Variants in UBE2J2 observed in about 807,000 individuals in gnomAD.
The protein encoded by UBE2J2 is ubiquitin conjugating enzyme E2 J2, also known as ubiquitin-conjugating enzyme E2 J2.
In UBE2J2, 5 loss-of-function variants were observed where a neutral mutation model predicts 28.6. That is an observed-to-expected ratio of 0.17 (90% CI 0.09 to 0.37). UBE2J2 has a LOEUF of 0.37. Ranked by LOEUF, UBE2J2 falls within the 10% of genes least tolerant of loss-of-function variation. UBE2J2 has a pLI of 1.00. For missense variants in UBE2J2, 226 were observed against 338.9 expected (o/e 0.67, Z 2.62); for synonymous variants, 138 against 139.7 (o/e 0.99, Z 0.09).
At chr1:1,258,936 A>AGGACC (rs1639374369) in intron 3 of UBE2J2, among the ~76,000 whole-genome samples, 1 of 152,228 alleles carries the variant, frequency 6.6e-6, no homozygotes, top group African/African-American at 2.4e-5. Context: ...CCCCAACCAG[A>AGGACC]GGACCACAAG....
chr1:1,259,948 G>A (rs1038732697), intron 3 of UBE2J2, among the ~76,000 whole-genome samples: 4 of 152,194 alleles, frequency 2.6e-5, no homozygotes, highest in Admixed American at 6.5e-5. Flanking sequence ...CCTCCCGCAC[G>A]TGTTTCCCTC....
chr1:1,260,478 G>A (rs1441801135), intron 3 of UBE2J2, among the ~76,000 whole-genome samples: 1 of 151,988 alleles, frequency 6.6e-6, no homozygotes, highest in Non-Finnish European at 1.5e-5. Flanking sequence ...GCGCCCTGCT[G>A]CCTCACTGCG....
At position 1,256,071 on chromosome 1, in the gene UBE2J2, A is replaced by C. The variant is rs2101027418; in HGVS notation, c.469T>G (p.Cys157Gly). ...TCCACGACTTCAGGAAATAATTCAC[A>C]AAAGACTTTATCTTTCAAATTAAAT... is the stretch of plus-strand genomic sequence containing the variant. Reference protein sequence around the residue: ...LAFNLKDKVFCELFPEVVEEI... With the variant: ...LAFNLKDKVFGELFPEVVEEI... Residue 157 changes from cysteine to glycine, a missense_variant, in exon 6 of 7, where the codon TGT becomes GGT. Cys to Gly is a radical substitution (Grantham distance 159). Around this residue, in one of 3 missense-constraint regions of UBE2J2, gnomAD observed 133 missense variants for 161.5 expected, o/e 0.82. Coordinates refer to ENST00000349431, the MANE Select transcript of UBE2J2 (RefSeq NM_058167.3). 2 of 1,613,648 alleles carry C rather than the reference A, an allele frequency of 1.2e-6. No homozygotes were observed. Among genetic ancestry groups the C allele is most frequent in the South Asian group, 1.1e-5 (1 of 91,038 alleles).
chr1:1,263,831 T>TA (rs78118405), intron 2 of UBE2J2, among the ~76,000 whole-genome samples: 28,401 of 147,076 alleles, frequency 0.19, 4,738 homozygotes, highest in East Asian at 0.73. Flanking sequence ...CACCTTTATT[T>TA]AAAAAAAAAA....
chr1:1,256,380 G>A, intron 5 of UBE2J2: 1 of 415,486 alleles, frequency 2.4e-6, no homozygotes. Context: ...GCTCCCCGCT[G>A]ACAAGGCCCG....
rs1184397252 is a variant in UBE2J2, at chr1:1,256,725, CA to C, written c.414+266del. Among the ~76,000 whole-genome samples, 1,175 of 144,512 alleles carry C rather than the reference CA, an allele frequency of 8.1e-3. 11 individuals carry two copies. The highest frequency in any genetic ancestry group is 0.027 in the African/African-American group (1,065 of 39,634). 94.8% of individuals were successfully genotyped at this position (144,512 alleles called of 152,430 possible). A position where few individuals can be genotyped will look rare whatever the true frequency, so the allele number is the denominator to read the frequency against. On this transcript the variant is annotated intron_variant, in intron 5 of 6. Transcript: ENST00000349431. ...TGAAACCCCGTCTCTACTAAAAATA[CA>C]AAAAAAAAAATTAGCCGGGCGTGGT...
rs949299150 is a variant in UBE2J2 at position 1,263,472 on chromosome 1, C to T, written c.132-86G>A. ...CATTCCAAGCCTGGGGTTTATAGAA[C>T]CCAGCCAAAATTACATTCACATTCA... On this transcript the variant is annotated intron_variant, in intron 2 of 6. Coordinates refer to ENST00000349431, the MANE Select transcript of UBE2J2 (RefSeq NM_058167.3). 5 of 1,222,190 alleles carry T rather than the reference C, an allele frequency of 4.1e-6. No individual in the cohort carries two copies. The East Asian group carries it at 9.4e-5, about 23-fold the overall frequency. 75.7% of individuals were successfully genotyped at this position (1,222,190 alleles called of 1,614,324 possible). A position where few individuals can be genotyped will look rare whatever the true frequency, so the allele number is the denominator to read the frequency against.
chr1:1,266,628 T>A (rs547539158), intron 2 of UBE2J2, among the ~76,000 whole-genome samples: 1 of 151,916 alleles, frequency 6.6e-6, no homozygotes, highest in African/African-American at 2.4e-5. Flanking sequence ...AAGACCATCC[T>A]GGCTAACACG....
chr1:1,266,576 T>C (rs777464166), intron 2 of UBE2J2, among the ~76,000 whole-genome samples: 18 of 151,738 alleles, frequency 1.2e-4, no homozygotes, highest in South Asian at 4.2e-4. Flanking sequence ...AATCCCAGCA[T>C]TCTGGGAGGC....
chr1:1,255,545 G>C, intron 6 of UBE2J2, 58 bp from the exon 7 acceptor site: 1 of 1,553,966 alleles, frequency 6.4e-7, no homozygotes, highest in Admixed American at 1.8e-5. Flanking sequence ...TTCAGGACCA[G>C]CACTCCCGTT....
At chr1:1,257,165 C>A in intron 4 of UBE2J2, 35 bp from the exon 5 acceptor site, 1 of 1,604,118 alleles carries the variant, frequency 6.2e-7, no homozygotes, top group Non-Finnish European at 8.5e-7. Context: ...GCACACTCCC[C>A]ACCGCAGCCA....
intron 5 of UBE2J2, among the ~76,000 whole-genome samples, chr1:1,256,787 G>A (rs535452450): frequency 1.1e-4 from 16 of 151,142 alleles, no homozygotes; most frequent in Admixed American, 7.9e-4. Flanking sequence ...TTGGGAGGCT[G>A]AGACAGGAGA....
intron 2 of UBE2J2, among the ~76,000 whole-genome samples, chr1:1,265,402 G>A (rs963148619): frequency 7.2e-5 from 11 of 152,224 alleles, no homozygotes; most frequent in African/African-American, 2.7e-4. Context: ...CCTAGGACCA[G>A]CCCCATAAAG....
At chr1:1,256,000 T>G in intron 6 of UBE2J2, 45 bp downstream of exon 6, 1 of 1,315,048 alleles carries the variant, frequency 7.6e-7, no homozygotes, top group Non-Finnish European at 1.1e-6. Flanking sequence ...GAAACTCAAG[T>G]GTTTTAACGC....
chr1:1,254,980 C>A lies in UBE2J2; in HGVS notation c.*223G>T. The A allele has an allele frequency of 2.0e-6, 1 of 509,686 alleles. No individual in the cohort carries two copies. The allele number at this position is 509,686 out of a possible 1,614,324, so 31.6% of individuals were successfully genotyped here. A position where few individuals can be genotyped will look rare whatever the true frequency, so the allele number is the denominator to read the frequency against. On this transcript the variant is annotated 3_prime_UTR_variant, in exon 7 of 7. Transcript: ENST00000349431. Reference sequence around the variant, plus strand: ...CTACAAATCCAGCACACAAGGCCCACCCACACCAGCCCCAGCGGCCCGTGG... The same window carrying A: ...CTACAAATCCAGCACACAAGGCCCAACCACACCAGCCCCAGCGGCCCGTGG...
chr1:1,264,269 CT>C (rs1271844500), intron 2 of UBE2J2, among the ~76,000 whole-genome samples: 1 of 152,220 alleles, frequency 6.6e-6, no homozygotes, highest in African/African-American at 2.4e-5. Flanking sequence ...CGACTAAACA[CT>C]CCTCCACACA....
rs1003454027 is a variant in UBE2J2, at chr1:1,268,616, G to GA, written c.1-625dup. ...CCACAGGTGAACAGGCCACACCTGA[G>GA]AAAGTGCAGTGTGCAAGGGCCCAAG... On this transcript the variant is annotated intron_variant, in intron 1 of 6. Transcript: ENST00000349431. The surrounding 1 kb of genome is among the most constrained non-coding windows in gnomAD (Gnocchi z 4.7). 6.6e-6 allele frequency among the ~76,000 whole-genome samples: 1 copy of GA among 152,198 alleles called. No individual in the cohort carries two copies. The highest frequency in any genetic ancestry group is 1.9e-4 in the East Asian group (1 of 5,200).
rs1553154847 is a variant in UBE2J2 at position 1,257,406 on chromosome 1, C to CCCA, written c.173-97_173-96insTGG. 26 of 561,014 alleles carry CCCA rather than the reference C, an allele frequency of 4.6e-5. No homozygotes were observed. The East Asian group carries it at 8.0e-4, about 17-fold the overall frequency. The allele number at this position is 561,014 out of a possible 1,614,324, so 34.8% of individuals were successfully genotyped here. A position where few individuals can be genotyped will look rare whatever the true frequency, so the allele number is the denominator to read the frequency against. ...TCCCCCCACGCCACCCCCCCCCCCCCCCTCAGCTCGGCTCCCGAGTCCTCA... is the reference window on the plus strand; with the variant it reads ...TCCCCCCACGCCACCCCCCCCCCCCCCCACCTCAGCTCGGCTCCCGAGTCCTCA... On this transcript the variant is annotated intron_variant, in intron 3 of 6. Transcript: ENST00000349431.
At chr1:1,256,935 G>C (rs1570537033) in intron 5 of UBE2J2, 57 bp downstream of exon 5, 11 of 1,066,106 alleles carry the variant, frequency 1.0e-5, no homozygotes, top group Admixed American at 3.0e-5. Context: ...CAGGAACAGA[G>C]AACAGCCCCC....
Sources: gnomAD v4.1 joint callset for allele counts (sites outside exome capture counted in the v4.1 genomes callset) on GRCh38, gnomAD v4.1.1 for gene constraint, gnomAD v4.1.1 regional missense constraint, Gnocchi (gnomAD v3.1) non-coding constraint, MANE v1.5 for transcripts, NCBI Gene and HGNC (gene_info 2026-07-23, HGNC 2026-07-21) for gene names.